The following RICTOR variants were observed in gnomAD, a reference collection of about 807,000 sequenced individuals.
RICTOR encodes the protein rapamycin-insensitive companion of mTOR.
In RICTOR, 49 loss-of-function variants were observed where a neutral mutation model predicts 214.9. The observed-to-expected ratio is 0.23, with a 90% CI of 0.18 to 0.29. RICTOR has a LOEUF of 0.29. RICTOR is among the 10% of genes least tolerant of loss of function. The probability of loss-of-function intolerance (pLI) is 1.00; values close to 1 mark genes in which losing one functional copy is unlikely to be tolerated. For synonymous variants in RICTOR, 717 were observed against 711.3 expected (o/e 1.01, Z -0.13); for missense variants, 1,625 against 2,047.0 (o/e 0.79, Z 3.98).
At chr5:39,066,739 A>G (rs1485937059) in intron 2 of RICTOR, among the ~76,000 whole-genome samples, 1 of 152,214 alleles carries the variant, frequency 6.6e-6, no homozygotes, top group Non-Finnish European at 1.5e-5. Context: ...GCCAGATACC[A>G]GAGGTCATCA....
intron 20 of RICTOR, among the ~76,000 whole-genome samples, 180 bp from the exon 21 acceptor site, chr5:38,960,158 T>A (rs1749667577): frequency 6.6e-6 from 1 of 152,182 alleles, no homozygotes; most frequent in African/African-American, 2.4e-5. Flanking sequence ...GGAGATGATA[T>A]TATTCTCCAT....
chr5:38,978,693 ATGCATC>A, intron 8 of RICTOR, 43 bp from the exon 9 acceptor site: 1 of 958,896 alleles, frequency 1.0e-6, no homozygotes, highest in Non-Finnish European at 1.6e-6. Context: ...TTATTTTAAA[ATGCATC>A]CTTCCTGCAT....
At chr5:38,987,135 A>G (rs1281971157) in intron 7 of RICTOR, among the ~76,000 whole-genome samples, 1 of 152,154 alleles carries the variant, frequency 6.6e-6, no homozygotes, top group Non-Finnish European at 1.5e-5. Context: ...CCAGTATTTT[A>G]TTGAAGATTT....
At chr5:38,969,370 AC>A (rs1481016883) in intron 11 of RICTOR, among the ~76,000 whole-genome samples, 1 of 152,144 alleles carries the variant, frequency 6.6e-6, no homozygotes, top group Non-Finnish European at 1.5e-5. Context: ...AATTTTGAAC[AC>A]CTATACAATG....
intron 8 of RICTOR, chr5:38,981,280 C>T (rs906903754): frequency 2.0e-5 from 3 of 151,940 alleles, no homozygotes; most frequent in African/African-American, 4.8e-5. Context: ...TACATGCACA[C>T]GAAGAAACTA....
chr5:39,004,647 A>G (rs1753887162), intron 3 of RICTOR, among the ~76,000 whole-genome samples: 1 of 151,060 alleles, frequency 6.6e-6, no homozygotes, highest in African/African-American at 2.4e-5. Context: ...TTTAGTACAG[A>G]CGGAGTTTCA....
At chr5:39,025,874 G>A (rs115075613) in intron 2 of RICTOR, among the ~76,000 whole-genome samples, 2,409 of 152,242 alleles carry the variant, frequency 0.016, 41 homozygotes, top group South Asian at 0.081. Flanking sequence ...TCATTGCACT[G>A]TTCCAATAAA....
Position 39,005,678 on chromosome 5 carries a change from TC to T in RICTOR, c.196-2057del, listed in dbSNP as rs1754000066. On this transcript the variant is annotated intron_variant, in intron 3 of 37. Coordinates refer to ENST00000357387, the MANE Select transcript of RICTOR (RefSeq NM_152756.5). The stretch of plus-strand genomic sequence containing the variant: ...CTTTTGTTCTAGTCATGTAATCCTG[TC>T]CTTTGGTAGCTCCTTAGTCTTTGAT... Among the ~76,000 whole-genome samples, 3 of 152,332 alleles carry T rather than the reference TC, an allele frequency of 2.0e-5. No individual in the cohort carries two copies. The South Asian group carries it at 6.2e-4, about 32-fold the overall frequency.
intron 2 of RICTOR, among the ~76,000 whole-genome samples, chr5:39,046,428 T>C (rs1580182886): frequency 1.4e-5 from 2 of 140,012 alleles, no homozygotes. Context: ...TTTTCTATCT[T>C]TGAAATATTA....
In RICTOR at chr5:38,944,548, T is replaced by C. The variant is rs1747957757; in HGVS notation, c.4811A>G (p.Asp1604Gly). The C allele has an allele frequency of 1.2e-6, 2 of 1,602,722 alleles. No individual in the cohort carries two copies. The highest frequency in any genetic ancestry group is 8.5e-7 in the Non-Finnish European group (1 of 1,176,508). The change falls in exon 36 of 38, where the codon GAT becomes GGT. Residue 1604 changes from aspartate (D) to glycine (G), a missense_variant. Asp to Gly is a moderately conservative substitution (Grantham distance 94, BLOSUM62 -1). This residue lies in a region of RICTOR where 1,214 missense variants were observed against 1,470.5 expected (regional missense o/e 0.83). Coordinates refer to ENST00000357387, the MANE Select transcript of RICTOR (RefSeq NM_152756.5). ...AAGGAGTATACGGCACATTGGTGTA[T>C]CATCTGGAATTGTTTTAACACCTGA... ...LLLGVKTIPD[D>G]TPMCRILLRK...
chr5:39,050,948 C>T (rs1396895544), intron 2 of RICTOR, among the ~76,000 whole-genome samples: 1 of 151,776 alleles, frequency 6.6e-6, no homozygotes, highest in Non-Finnish European at 1.5e-5. Flanking sequence ...CAAGTGTTGA[C>T]AAAAGTATGA....
At chr5:39,021,699 A>G (rs1032600061) in intron 2 of RICTOR, among the ~76,000 whole-genome samples, 4 of 152,040 alleles carry the variant, frequency 2.6e-5, no homozygotes, top group African/African-American at 9.7e-5. Context: ...CACTTACTAG[A>G]TGAAGGCCCC....
At chr5:39,013,451 T>A (rs1362364825) in intron 3 of RICTOR, among the ~76,000 whole-genome samples, 2 of 152,142 alleles carry the variant, frequency 1.3e-5, no homozygotes, top group African/African-American at 4.8e-5. Flanking sequence ...TTATATCCTG[T>A]CAAAGTTACA....
chr5:39,025,412 A>G (rs911611783), intron 2 of RICTOR, among the ~76,000 whole-genome samples: 24 of 152,232 alleles, frequency 1.6e-4, no homozygotes, highest in African/African-American at 5.8e-4. Context: ...TTCTGTAACT[A>G]TTTTGACTTT....
chr5:39,008,184 TA>T (rs956961968), intron 3 of RICTOR, among the ~76,000 whole-genome samples: 8 of 150,864 alleles, frequency 5.3e-5, no homozygotes, highest in East Asian at 3.9e-4. Flanking sequence ...AAACACACTT[TA>T]AAAAAAAAGG....
chr5:39,065,514 A>T (rs1758844147), intron 2 of RICTOR, among the ~76,000 whole-genome samples: 1 of 152,190 alleles, frequency 6.6e-6, no homozygotes, highest in African/African-American at 2.4e-5. Flanking sequence ...ATGCCTTCCC[A>T]ACAGTCTCCC....
chr5:39,065,210 G>C (rs1758807874), intron 2 of RICTOR, among the ~76,000 whole-genome samples: 1 of 152,206 alleles, frequency 6.6e-6, no homozygotes, highest in Admixed American at 6.5e-5. Flanking sequence ...TCATAGCAAA[G>C]ACGAAGCGTG....
At chr5:38,984,240 CATTT>C (rs141066712) in intron 7 of RICTOR, among the ~76,000 whole-genome samples, 3,838 of 152,138 alleles carry the variant, frequency 0.025, 71 homozygotes, top group South Asian at 0.081. Context: ...CTATTCTCTT[CATTT>C]ATTTATTAAT....
chr5:38,993,311 T>C (rs1260639101), intron 6 of RICTOR, among the ~76,000 whole-genome samples: 1 of 152,078 alleles, frequency 6.6e-6, no homozygotes, highest in African/African-American at 2.4e-5. Context: ...AAAGAAACTA[T>C]ATATGAAAAA....
Sources: allele counts gnomAD v4.1 joint callset (sites outside exome capture counted in the v4.1 genomes callset), GRCh38; gene constraint gnomAD v4.1.1; regional missense constraint gnomAD v4.1.1; transcripts MANE v1.5; gene names NCBI Gene and HGNC (gene_info 2026-07-23, HGNC 2026-07-21).